The following PKHD1L1 variants were observed in gnomAD, a reference collection of about 807,000 sequenced individuals.
PKHD1L1 encodes PKHD1 like 1.
In PKHD1L1, 434 loss-of-function variants were observed where a neutral mutation model predicts 462.9. The ratio of observed to expected loss-of-function variants is 0.94; its 90% CI spans 0.87 to 1.02. The LOEUF (loss-of-function observed/expected upper bound fraction) is 1.02, where lower values mean the gene tolerates loss of function less well. Ranked by LOEUF, PKHD1L1 falls within the 50% of genes least tolerant of loss-of-function variation. PKHD1L1 has a pLI of 0.00. For synonymous variants in PKHD1L1, 1,781 were observed against 1,750.0 expected (o/e 1.02, Z -0.44); for missense variants, 5,202 against 5,096.1 (o/e 1.02, Z -0.63).
chr8:109,448,436 A>G (rs998736411), intron 39 of PKHD1L1, 45 bp downstream of exon 39: 8 of 1,534,108 alleles, frequency 5.2e-6, no homozygotes, highest in South Asian at 5.1e-5. Flanking sequence ...TGTTTCAGTA[A>G]ACACTTATTT....
chr8:109,448,274 G>C lies in PKHD1L1; in HGVS notation c.5908G>C (p.Gly1970Arg). The change falls in exon 39 of 78, where the codon GGA becomes CGA. Residue 1970 changes from glycine (G) to arginine (R), a missense_variant. Physicochemically the swap from Gly to Arg is moderately radical, Grantham distance 125. Coordinates refer to ENST00000378402, the MANE Select transcript of PKHD1L1 (RefSeq NM_177531.6). Reference protein sequence around the residue: ...ANDSVVQCIVGDHAGGTFPVM... With the variant: ...ANDSVVQCIVRDHAGGTFPVM... ...TGATAGTGTGGTGCAGTGCATCGTG[G>C]GAGATCATGCTGGGGGCACATTTCC... is the stretch of plus-strand genomic sequence containing the variant. The C allele has an allele frequency of 1.9e-6, 3 of 1,613,534 alleles. No homozygotes were observed. The highest frequency in any genetic ancestry group is 2.5e-6 in the Non-Finnish European group (3 of 1,179,768).
chr8:109,405,229 G>C (rs187851951), intron 16 of PKHD1L1, 99 bp downstream of exon 16: 1 of 735,500 alleles, frequency 1.4e-6, no homozygotes, highest in Non-Finnish European at 2.0e-6. Context: ...GGAAAATATA[G>C]TTTTGATGAT....
At chr8:109,467,015 G>A (rs1302059237) in intron 50 of PKHD1L1, among the ~76,000 whole-genome samples, 1 of 152,004 alleles carries the variant, frequency 6.6e-6, no homozygotes, top group Admixed American at 6.6e-5. Context: ...ACAGAGAGAG[G>A]GAGCGTTGGC....
rs764115423 is a variant in PKHD1L1, at chr8:109,486,774, C to T, written c.9833C>T (p.Ala3278Val). The T allele has an allele frequency of 3.1e-6, 5 of 1,612,380 alleles. No individual in the cohort carries two copies. The highest frequency in any genetic ancestry group is 1.7e-4 in the Middle Eastern group (1 of 6,046). ...YPGWSEDSFG[A>V]RVLVGSFTEN... ...GGTTGGTCTGAGGACTCTTTTGGAGCACGCGTACTGGTTGGCTCATTCACT... is the reference window on the plus strand; with the variant it reads ...GGTTGGTCTGAGGACTCTTTTGGAGTACGCGTACTGGTTGGCTCATTCACT... The change falls in exon 59 of 78, where the codon GCA becomes GTA. Residue 3278 changes from alanine to valine, a missense_variant. By Grantham distance (64) the Ala-to-Val change is moderately conservative (BLOSUM62 0). This residue lies in a region of PKHD1L1 where 4,497 missense variants were observed against 4,336.8 expected (regional missense o/e 1.04). Transcript: ENST00000378402.
At chr8:109,422,385 C>G (rs1186054820) in intron 23 of PKHD1L1, among the ~76,000 whole-genome samples, 5 of 152,178 alleles carry the variant, frequency 3.3e-5, no homozygotes, top group Non-Finnish European at 5.9e-5. Context: ...CCTGCACTCA[C>G]TTATATATGG....
In PKHD1L1 at chr8:109,464,572, T is replaced by G. The variant is rs368859948; in HGVS notation, c.7740T>G (p.Thr2580=). The part of the protein sequence containing the change: ...TIRHNAVAGG[T]HFGFWYRMNN... ...GACACAATGCTGTTGCTGGTGGCAC[T>G]CACTTTGGCTTTTGGTACCGGATGA... The change falls in exon 49 of 78, where the codon ACT becomes ACG. Residue 2580 remains threonine (T), a synonymous_variant. Coordinates refer to ENST00000378402, the MANE Select transcript of PKHD1L1 (RefSeq NM_177531.6). 17 of 1,613,378 alleles carry G rather than the reference T, an allele frequency of 1.1e-5. No homozygotes were observed. The highest frequency in any genetic ancestry group is 1.4e-5 in the Non-Finnish European group (16 of 1,179,764).
chr8:109,530,840 G>A lies in PKHD1L1; in HGVS notation c.*750G>A, dbSNP rs145096963. Reference sequence around the variant, plus strand: ...ACCCCGGGCATGAGTTGAGGGTTGAGGGGTTCCCTTAACTGGTGGATGCTT... The same window carrying A: ...ACCCCGGGCATGAGTTGAGGGTTGAAGGGTTCCCTTAACTGGTGGATGCTT... On this transcript the variant is annotated 3_prime_UTR_variant, in exon 78 of 78. Coordinates refer to ENST00000378402, the MANE Select transcript of PKHD1L1 (RefSeq NM_177531.6). 2.2e-4 allele frequency among the ~76,000 whole-genome samples: 34 copies of A among 152,276 alleles called. No homozygotes were observed. The highest frequency in any genetic ancestry group is 3.4e-3 in the Middle Eastern group (1 of 294).
Position 109,435,275 on chromosome 8 carries a change from G to A in PKHD1L1, c.3426G>A (p.Gln1142=), listed in dbSNP as rs1451746366. The A allele has an allele frequency of 3.1e-6, 5 of 1,613,922 alleles. No homozygotes were observed. In the African/African-American group the frequency reaches 4.0e-5, roughly 13 times the overall value. Residue 1142 remains glutamine, a synonymous_variant, in exon 29 of 78, where the codon CAG becomes CAA. Coordinates refer to ENST00000378402, the MANE Select transcript of PKHD1L1 (RefSeq NM_177531.6). ...AVSMADVGLA[Q]NVGGEEFYFV... Reference sequence around the variant, plus strand: ...CCATGGCTGATGTTGGACTAGCACAGAATGTAGGGGGTGAAGAGTTCTACT... The same window carrying A: ...CCATGGCTGATGTTGGACTAGCACAAAATGTAGGGGGTGAAGAGTTCTACT...
At chr8:109,427,470 A>C (rs894140250) in intron 25 of PKHD1L1, among the ~76,000 whole-genome samples, 1 of 152,090 alleles carries the variant, frequency 6.6e-6, no homozygotes, top group Admixed American at 6.5e-5. Context: ...ACTAAACCGA[A>C]CTAAATCCAG....
At chr8:109,426,913 A>T in intron 24 of PKHD1L1, 89 bp from the exon 25 acceptor site, 2 of 765,174 alleles carry the variant, frequency 2.6e-6, no homozygotes, top group Non-Finnish European at 2.3e-6. Context: ...TTGGCCTCCC[A>T]AAGTGCTAAG....
At chr8:109,418,494 T>C (rs953968153) in intron 21 of PKHD1L1, among the ~76,000 whole-genome samples, 3 of 152,260 alleles carry the variant, frequency 2.0e-5, no homozygotes, top group African/African-American at 7.2e-5. Context: ...CAAACTCTTA[T>C]AGCTTTAATG....
chr8:109,441,158 C>A (rs917905916), intron 33 of PKHD1L1, 117 bp from the exon 34 acceptor site: 6 of 722,460 alleles, frequency 8.3e-6, no homozygotes, highest in Non-Finnish European at 1.3e-5. Context: ...CTATATAAGG[C>A]AGAGTTTTTT....
chr8:109,446,485 C>A (rs1421269684), intron 38 of PKHD1L1, among the ~76,000 whole-genome samples: 1 of 152,122 alleles, frequency 6.6e-6, no homozygotes, highest in Admixed American at 6.5e-5. Context: ...TAATGAAGAA[C>A]TCATTAAATG....
intron 2 of PKHD1L1, among the ~76,000 whole-genome samples, chr8:109,377,937 T>C (rs958654301): frequency 6.6e-6 from 1 of 152,220 alleles, no homozygotes; most frequent in African/African-American, 2.4e-5. Flanking sequence ...AATTTTCATA[T>C]GTTTATAGAA....
Position 109,489,987 on chromosome 8 carries a change from A to C in PKHD1L1, c.9916A>C (p.Ser3306Arg). Reference sequence around the variant, plus strand: ...AATAAGTAATGTGGAATTTTATCACAGTGGTCAAGAAGGCTTCAGGGATAG... The same window carrying C: ...AATAAGTAATGTGGAATTTTATCACCGTGGTCAAGAAGGCTTCAGGGATAG... ...ARISNVEFYHSGQEGFRDSTD... is the reference protein window; with the variant it reads ...ARISNVEFYHRGQEGFRDSTD... The change falls in exon 60 of 78, where the codon AGT becomes CGT. Residue 3306 changes from serine to arginine, a missense_variant. Ser to Arg is a moderately radical substitution (Grantham distance 110, BLOSUM62 -1). This residue lies in a region of PKHD1L1 where 4,497 missense variants were observed against 4,336.8 expected (regional missense o/e 1.04). Coordinates refer to ENST00000378402, the MANE Select transcript of PKHD1L1 (RefSeq NM_177531.6). 6.2e-7 allele frequency: 1 copy of C among 1,608,440 alleles called. No homozygotes were observed. The highest frequency in any genetic ancestry group is 8.5e-7 in the Non-Finnish European group (1 of 1,175,760).
At chr8:109,483,166 T>A in intron 57 of PKHD1L1, 61 bp downstream of exon 57, 1 of 1,222,934 alleles carries the variant, frequency 8.2e-7, no homozygotes, top group Admixed American at 2.9e-5. Context: ...TGAAAAAAGT[T>A]TCTATTCTAC....
intron 40 of PKHD1L1, among the ~76,000 whole-genome samples, chr8:109,450,743 A>G (rs1342576421): frequency 1.3e-5 from 2 of 152,210 alleles, no homozygotes; most frequent in African/African-American, 4.8e-5. Context: ...CTACAGGAAG[A>G]GTCTCCCCAG....
intron 27 of PKHD1L1, among the ~76,000 whole-genome samples, chr8:109,432,512 T>TTATCTATCTATCTATC (rs138555285): frequency 6.6e-6 from 1 of 152,140 alleles, no homozygotes; most frequent in Non-Finnish European, 1.5e-5. Context: ...AGATATGTAA[T>TTATCTATCTATCTATC]TATCTATCTA....
At chr8:109,442,248 T>A in intron 35 of PKHD1L1, 53 bp downstream of exon 35, 1 of 1,470,866 alleles carries the variant, frequency 6.8e-7, no homozygotes, top group East Asian at 2.3e-5. Context: ...CTAAATGTAA[T>A]AAAATGACAT....
Sources: allele counts gnomAD v4.1 joint callset (sites outside exome capture counted in the v4.1 genomes callset), GRCh38; gene constraint gnomAD v4.1.1; regional missense constraint gnomAD v4.1.1; transcripts MANE v1.5; gene names NCBI Gene and HGNC (gene_info 2026-07-23, HGNC 2026-07-21).